SNTG2: variants seen among roughly 807,000 people sequenced by gnomAD.
SNTG2 encodes gamma-2-syntrophin.
A neutral mutation model predicts 70.9 loss-of-function variants in SNTG2; 74 were observed. That is an observed-to-expected ratio of 1.04 (90% CI 0.86 to 1.27). The LOEUF is 1.27. Ranked by LOEUF, SNTG2 falls within the 50% of genes most tolerant of loss-of-function variation. SNTG2 has a pLI of 0.00. For missense variants in SNTG2, 717 were observed against 690.7 expected (o/e 1.04, Z -0.43); for synonymous variants, 278 against 273.8 (o/e 1.02, Z -0.15).
At chr2:1,195,136 AT>A (rs1301268588) in intron 8 of SNTG2, among the ~76,000 whole-genome samples, 3 of 152,138 alleles carry the variant, frequency 2.0e-5, no homozygotes, top group African/African-American at 7.2e-5. Flanking sequence ...TTTGATGGGC[AT>A]TTGGGTTGGT....
rs534719048 is a variant in SNTG2 at position 1,244,447 on chromosome 2, A to G, written c.889-2880A>G. On this transcript the variant is annotated intron_variant, in intron 11 of 16. Transcript: ENST00000308624. ...CGCGGGGGCTCACGCCTGTAATCCC[A>G]GCACTTTGGGAGGCCGAGGCTGGCG... 5.3e-5 allele frequency among the ~76,000 whole-genome samples: 8 copies of G among 152,260 alleles called. No homozygotes were observed. In the East Asian group the frequency reaches 1.6e-3, roughly 30 times the overall value.
intron 9 of SNTG2, among the ~76,000 whole-genome samples, chr2:1,230,478 A>G (rs2148074448): frequency 6.6e-6 from 1 of 152,320 alleles, no homozygotes; most frequent in South Asian, 2.1e-4. Context: ...TTGTGATCAC[A>G]GATCACCCTC....
rs115794108 is a variant in SNTG2, at chr2:1,265,346, A to G, written c.1078-2019A>G. Among the ~76,000 whole-genome samples the G allele has an allele frequency of 5.5e-3, 840 of 152,296 alleles. 7 individuals carry two copies. The highest frequency in any genetic ancestry group is 8.6e-3 in the Non-Finnish European group (585 of 68,008). On this transcript the variant is annotated intron_variant, in intron 13 of 16. Transcript: ENST00000308624. ...GTATGCACACTACACACATTCACGT[A>G]CACACACATTCATGTTCACATACAT...
chr2:1,140,141 C>T (rs1286911443), intron 6 of SNTG2, among the ~76,000 whole-genome samples: 2 of 152,166 alleles, frequency 1.3e-5, no homozygotes, highest in Non-Finnish European at 2.9e-5. Context: ...GTCAGTTGTA[C>T]TGAATGCAAA....
intron 1 of SNTG2, among the ~76,000 whole-genome samples, chr2:980,029 A>G (rs1661048762): frequency 1.3e-5 from 2 of 152,208 alleles, no homozygotes; most frequent in African/African-American, 4.8e-5. Flanking sequence ...AATCTTTTAG[A>G]AGATAGGTTA....
intron 1 of SNTG2, among the ~76,000 whole-genome samples, chr2:984,437 C>T (rs1414989301): frequency 1.3e-5 from 2 of 152,008 alleles, no homozygotes; most frequent in East Asian, 1.9e-4. Context: ...CATTTCTCCA[C>T]GGTCCAAGCA....
intron 1 of SNTG2, among the ~76,000 whole-genome samples, chr2:960,629 C>T (rs767073100): frequency 1.4e-5 from 2 of 138,504 alleles, no homozygotes; most frequent in Admixed American, 7.0e-5. Flanking sequence ...TGAGGGTTCC[C>T]GGGCATGGCT....
chr2:1,209,940 G>A (rs1359589876), intron 9 of SNTG2, among the ~76,000 whole-genome samples: 1 of 152,104 alleles, frequency 6.6e-6, no homozygotes, highest in African/African-American at 2.4e-5. Flanking sequence ...GTGAATGTGT[G>A]TGGCTATAGT....
chr2:1,314,842 A>T (rs184934470), intron 15 of SNTG2, among the ~76,000 whole-genome samples: 187 of 152,286 alleles, frequency 1.2e-3, no homozygotes, highest in African/African-American at 3.2e-3. Context: ...GGCAAGAGAG[A>T]GTGTGCAGGG....
chr2:1,269,103 G>C (rs1426088237), intron 14 of SNTG2, among the ~76,000 whole-genome samples: 1 of 152,176 alleles, frequency 6.6e-6, no homozygotes, highest in African/African-American at 2.4e-5. Context: ...GTAGTGAAAT[G>C]AATGTCTGAA....
At chr2:1,071,661 A>C (rs1663564925) in intron 1 of SNTG2, among the ~76,000 whole-genome samples, 1 of 151,932 alleles carries the variant, frequency 6.6e-6, no homozygotes. Context: ...AAAAAAAAAA[A>C]AACTAGAGAA....
chr2:1,317,999 T>C (rs1354078354), intron 16 of SNTG2, among the ~76,000 whole-genome samples: 1 of 152,250 alleles, frequency 6.6e-6, no homozygotes, highest in Admixed American at 6.5e-5. Flanking sequence ...TTACAAACTG[T>C]ATTTTGTTTG....
At chr2:1,175,524 C>A (rs1671416860) in intron 8 of SNTG2, among the ~76,000 whole-genome samples, 1 of 152,204 alleles carries the variant, frequency 6.6e-6, no homozygotes, top group South Asian at 2.1e-4. Flanking sequence ...TCAAACCTTT[C>A]TGACTCACCT....
chr2:1,070,538 A>G (rs1413526297), intron 1 of SNTG2, among the ~76,000 whole-genome samples: 1 of 152,128 alleles, frequency 6.6e-6, no homozygotes, highest in African/African-American at 2.4e-5. Flanking sequence ...TGTTTGCCTC[A>G]TTTTCCACAA....
chr2:1,129,687 C>T (rs1336246912), intron 4 of SNTG2, among the ~76,000 whole-genome samples: 2 of 151,964 alleles, frequency 1.3e-5, no homozygotes, highest in African/African-American at 2.4e-5. Context: ...ACCTTTAATC[C>T]TTTTGAAGTG....
intron 1 of SNTG2, among the ~76,000 whole-genome samples, chr2:1,001,505 A>G (rs563401719): frequency 4.8e-4 from 73 of 152,198 alleles, no homozygotes; most frequent in African/African-American, 1.7e-3. Context: ...CAGGAAGTCA[A>G]TTCCATGTAC....
At chr2:1,003,204 A>G (rs745566123) in intron 1 of SNTG2, among the ~76,000 whole-genome samples, 1 of 152,196 alleles carries the variant, frequency 6.6e-6, no homozygotes. Context: ...TGGTATATCC[A>G]TGTAACAAAA....
chr2:1,302,989 G>T (rs1680523421), intron 14 of SNTG2, among the ~76,000 whole-genome samples: 1 of 151,862 alleles, frequency 6.6e-6, no homozygotes, highest in Non-Finnish European at 1.5e-5. Context: ...CAAAATATGG[G>T]AAGCAAAAAC....
intron 1 of SNTG2, among the ~76,000 whole-genome samples, chr2:1,025,888 C>T (rs1390140656): frequency 6.6e-6 from 1 of 152,232 alleles, no homozygotes; most frequent in Non-Finnish European, 1.5e-5. Flanking sequence ...TTCATTCATT[C>T]ATGAGACCCT....
Sources: allele counts gnomAD v4.1 joint callset (sites outside exome capture counted in the v4.1 genomes callset), GRCh38; gene constraint gnomAD v4.1.1; transcripts MANE v1.5; gene names NCBI Gene and HGNC (gene_info 2026-07-23, HGNC 2026-07-21).